Variants in DSCAM observed in about 807,000 individuals in gnomAD.
The protein encoded by DSCAM is DS cell adhesion molecule, also known as cell adhesion molecule DSCAM.
In DSCAM, 47 loss-of-function variants were observed where a neutral mutation model predicts 217.7. The observed-to-expected ratio is 0.22, with a 90% confidence interval of 0.17 to 0.28. The LOEUF (loss-of-function observed/expected upper bound fraction) is 0.28. Among genes scored for constraint, DSCAM ranks in the 10% least tolerant of loss-of-function variants. The pLI, the probability that DSCAM is intolerant of heterozygous loss-of-function variation, is 1.00. For missense variants in DSCAM, 2,080 were observed against 2,618.3 expected, an observed-to-expected ratio of 0.79 and a Z score of 4.49; for synonymous variants, 1,056 against 1,015.3, an observed-to-expected ratio of 1.04 and a Z score of -0.76.
chr21:40,240,438 A>G (rs896573528), intron 11 of DSCAM, among the ~76,000 whole-genome samples: 2 of 138,342 alleles, frequency 1.4e-5, no homozygotes, highest in Admixed American at 8.1e-5. Flanking sequence ...ATAGATATTC[A>G]TTACTTTTCT....
At chr21:40,211,234 T>C (rs981206315) in intron 11 of DSCAM, among the ~76,000 whole-genome samples, 4 of 152,262 alleles carry the variant, frequency 2.6e-5, no homozygotes, top group African/African-American at 9.6e-5. Flanking sequence ...TTCCAAACTA[T>C]GGATGGACCA....
intron 11 of DSCAM, among the ~76,000 whole-genome samples, chr21:40,274,801 T>A (rs1047817756): frequency 1.3e-5 from 2 of 152,166 alleles, no homozygotes; most frequent in African/African-American, 2.4e-5. Flanking sequence ...ATATAAAACT[T>A]TAATAAATAA....
chr21:40,452,003 T>C (rs907255830), intron 3 of DSCAM, among the ~76,000 whole-genome samples: 10 of 152,074 alleles, frequency 6.6e-5, no homozygotes, highest in Non-Finnish European at 1.3e-4. Flanking sequence ...AAGATTCCAA[T>C]TGATTACCTC....
chr21:40,558,285 A>C (rs2076688628), intron 3 of DSCAM, among the ~76,000 whole-genome samples: 4 of 150,732 alleles, frequency 2.7e-5, no homozygotes, highest in African/African-American at 4.8e-5. Flanking sequence ...TCTCTACTAA[A>C]AAATACAAAA....
intron 32 of DSCAM, among the ~76,000 whole-genome samples, chr21:40,026,880 A>AAAGTT (rs1228742696): frequency 6.6e-6 from 1 of 152,248 alleles, no homozygotes. Context: ...ATTTACATGT[A>AAAGTT]AAGTTAATAT....
chr21:40,350,527 C>T (rs1211090402), intron 5 of DSCAM, among the ~76,000 whole-genome samples: 1 of 152,162 alleles, frequency 6.6e-6, no homozygotes, highest in Non-Finnish European at 1.5e-5. Flanking sequence ...CATCTCACCA[C>T]ACTTTGTTTT....
Position 40,121,681 on chromosome 21 carries a change from C to CTTTTTTTTTTTTTTTTTTTTTTTTTT in DSCAM, c.3696+2488_3696+2513dup, listed in dbSNP as rs201672838. 1.4e-4 allele frequency among the ~76,000 whole-genome samples: 10 copies of CTTTTTTTTTTTTTTTTTTTTTTTTTT among 73,734 alleles called. 3 individuals are homozygous for CTTTTTTTTTTTTTTTTTTTTTTTTTT. The highest frequency in any genetic ancestry group is 1.8e-4 in the Non-Finnish European group (7 of 38,420). The allele number at this position is 73,734 out of a possible 152,430, so 48.4% of individuals were successfully genotyped here. ...CTGGTGGGTTTGCTCTCATTACTGT[C>CTTTTTTTTTTTTTTTTTTTTTTTTTT]TTTTTTTTTTTTTTTTTTTTTTTTT... is the stretch of plus-strand genomic sequence containing the variant. On this transcript the variant is annotated intron_variant, in intron 20 of 32. Coordinates refer to ENST00000400454, the MANE Select transcript of DSCAM (RefSeq NM_001389.5).
chr21:40,344,558 G>T (rs2074537474), intron 6 of DSCAM, among the ~76,000 whole-genome samples: 1 of 152,058 alleles, frequency 6.6e-6, no homozygotes, highest in Non-Finnish European at 1.5e-5. Context: ...CTGTGTCTTT[G>T]TTTTTCGTTT....
intron 3 of DSCAM, among the ~76,000 whole-genome samples, chr21:40,488,910 C>A (rs1359770072): frequency 1.3e-5 from 2 of 152,172 alleles, no homozygotes; most frequent in Non-Finnish European, 2.9e-5. Flanking sequence ...CACAGAGATT[C>A]TGCAGCCACG....
chr21:40,739,947 A>G, intron 1 of DSCAM, among the ~76,000 whole-genome samples: 1 of 134,064 alleles, frequency 7.5e-6, no homozygotes, highest in African/African-American at 2.8e-5. Context: ...TAGATGATGC[A>G]GGTGTAATTT....
At chr21:40,168,331 C>A (rs535718522) in intron 15 of DSCAM, among the ~76,000 whole-genome samples, 1 of 152,066 alleles carries the variant, frequency 6.6e-6, no homozygotes, top group Non-Finnish European at 1.5e-5. Context: ...AAATGTGCTA[C>A]CTACTAGGTA....
intron 1 of DSCAM, among the ~76,000 whole-genome samples, chr21:40,791,235 C>T (rs943900222): frequency 3.3e-5 from 5 of 152,012 alleles, no homozygotes; most frequent in African/African-American, 9.7e-5. Flanking sequence ...CAAGCCATCA[C>T]GTGGACACGG....
chr21:40,178,114 C>T (rs1352014932), intron 15 of DSCAM, among the ~76,000 whole-genome samples: 1 of 152,196 alleles, frequency 6.6e-6, no homozygotes, highest in African/African-American at 2.4e-5. Flanking sequence ...TTCCTCTCCT[C>T]CTGCCAGGAG....
chr21:40,428,484 G>A (rs1008846691), intron 3 of DSCAM, among the ~76,000 whole-genome samples: 1 of 151,954 alleles, frequency 6.6e-6, no homozygotes, highest in Non-Finnish European at 1.5e-5. Context: ...TGGTCAGGCT[G>A]GTCTCGAACT....
At chr21:40,547,729 A>G (rs1191202181) in intron 3 of DSCAM, among the ~76,000 whole-genome samples, 2 of 152,160 alleles carry the variant, frequency 1.3e-5, no homozygotes. Context: ...GAGAGGAAAC[A>G]AGATGTCTGG....
At chr21:40,527,312 T>C (rs2076408343) in intron 3 of DSCAM, among the ~76,000 whole-genome samples, 1 of 152,224 alleles carries the variant, frequency 6.6e-6, no homozygotes, top group Admixed American at 6.5e-5. Flanking sequence ...CATAGTCTTC[T>C]TCTCCACTCT....
chr21:40,586,985 G>A (rs73216106), intron 3 of DSCAM, among the ~76,000 whole-genome samples: 9,873 of 152,134 alleles, frequency 0.065, 366 homozygotes, highest in South Asian at 0.15. Flanking sequence ...ATAAAGAAGA[G>A]CAGATGAGTA....
chr21:40,617,641 C>T (rs879486739), intron 3 of DSCAM, among the ~76,000 whole-genome samples: 4 of 152,206 alleles, frequency 2.6e-5, no homozygotes, highest in African/African-American at 4.8e-5. Context: ...TCATAGTATG[C>T]GTAAGCAGCA....
At position 40,163,805 on chromosome 21, in the gene DSCAM, G is replaced by A. The variant is rs78000278; in HGVS notation, c.3018+3413C>T. On this transcript the variant is annotated intron_variant, in intron 16 of 32. Coordinates refer to ENST00000400454, the MANE Select transcript of DSCAM (RefSeq NM_001389.5). ...TGGTTCACATCTTTGGGTGCCTGCC[G>A]TTGTATAGTCTAGGGCATTTCACTG... Among the ~76,000 whole-genome samples, 729 of 152,218 alleles carry A rather than the reference G, an allele frequency of 4.8e-3. 9 individuals carry two copies. The highest frequency in any genetic ancestry group is 0.017 in the African/African-American group (690 of 41,528).
Sources: gnomAD v4.1 joint callset for allele counts (sites outside exome capture counted in the v4.1 genomes callset) on GRCh38, gnomAD v4.1.1 for gene constraint, MANE v1.5 for transcripts, NCBI Gene and HGNC (gene_info 2026-07-23, HGNC 2026-07-21) for gene names.